The following SUCLG2 variants were observed in gnomAD, a reference collection of about 807,000 sequenced individuals.
SUCLG2 encodes succinate-CoA ligase GDP-forming subunit beta.
SUCLG2 carries 42 observed loss-of-function variants against 47.9 expected under a neutral mutation model. The observed-to-expected ratio is 0.88, with a 90% CI of 0.69 to 1.14. The LOEUF (loss-of-function observed/expected upper bound fraction) is 1.14. Among genes scored for constraint, SUCLG2 ranks in the 50% most tolerant of loss-of-function variants. SUCLG2 has a pLI of 0.00. For missense variants in SUCLG2, 571 were observed against 525.9 expected, an observed-to-expected ratio of 1.09 and a Z score of -0.84; for synonymous variants, 195 against 197.3, an observed-to-expected ratio of 0.99 and a Z score of 0.10.
At chr3:67,402,072 T>C (rs1702696848) in intron 9 of SUCLG2, among the ~76,000 whole-genome samples, 1 of 152,218 alleles carries the variant, frequency 6.6e-6, no homozygotes, top group Admixed American at 6.5e-5. Flanking sequence ...GCCAGCTCCC[T>C]AGATTGTCTA....
At chr3:67,469,267 A>T (rs750354289) in intron 9 of SUCLG2, among the ~76,000 whole-genome samples, 3 of 152,180 alleles carry the variant, frequency 2.0e-5, no homozygotes, top group Non-Finnish European at 2.9e-5. Context: ...GGGATGGAAG[A>T]AAGATTTGTG....
At chr3:67,422,116 TG>T in intron 9 of SUCLG2, among the ~76,000 whole-genome samples, 1 of 152,058 alleles carries the variant, frequency 6.6e-6, no homozygotes, top group East Asian at 1.9e-4. Context: ...CTTCAAAACT[TG>T]AGGTTTTTCT....
intron 9 of SUCLG2, among the ~76,000 whole-genome samples, chr3:67,464,062 G>A (rs891373916): frequency 1.3e-5 from 2 of 152,168 alleles, no homozygotes. Flanking sequence ...TTGTGTTCCC[G>A]AACATTTAAC....
rs538941361 is a variant in SUCLG2, at chr3:67,393,516, A to G, written c.1183+7215T>C. 1.6e-4 allele frequency among the ~76,000 whole-genome samples: 24 copies of G among 152,326 alleles called. 1 individual carries two copies. The highest frequency in any genetic ancestry group is 9.7e-4 in the East Asian group (5 of 5,180). On this transcript the variant is annotated intron_variant, in intron 10 of 10. Coordinates refer to ENST00000307227, the MANE Select transcript of SUCLG2 (RefSeq NM_003848.4). ...GCTTGCTTACGTAAACAAAGCAGCC[A>G]GGAAGCTCGAACTGGGTGGAACCCA...
At position 67,648,588 on chromosome 3, in the gene SUCLG2, T is replaced by C. The variant is rs1419969170; in HGVS notation, c.84+5915A>G. Among the ~76,000 whole-genome samples the C allele has an allele frequency of 7.2e-5, 11 of 152,292 alleles. No homozygotes were observed. The South Asian group carries it at 2.1e-3, about 29-fold the overall frequency. ...GGGCCTCTCTATGCCTCTGACTGCT[T>C]CTATAAAACATGGAGACTGTGAAAT... On this transcript the variant is annotated intron_variant, in intron 1 of 10. Coordinates refer to ENST00000307227, the MANE Select transcript of SUCLG2 (RefSeq NM_003848.4).
chr3:67,430,491 G>C (rs898165965), intron 9 of SUCLG2, among the ~76,000 whole-genome samples: 7 of 152,130 alleles, frequency 4.6e-5, no homozygotes, highest in African/African-American at 1.7e-4. Flanking sequence ...GCCCACAAGA[G>C]AAAGCAGGAA....
intron 10 of SUCLG2, among the ~76,000 whole-genome samples, chr3:67,367,276 T>C (rs954744789): frequency 5.3e-5 from 8 of 152,188 alleles, no homozygotes; most frequent in African/African-American, 1.9e-4. Flanking sequence ...CCATATTTTT[T>C]TGCAGTTTAA....
At position 67,435,115 on chromosome 3, in the gene SUCLG2, T is replaced by C. The variant is rs917863582; in HGVS notation, c.1063-34264A>G. On this transcript the variant is annotated intron_variant, in intron 9 of 10. Transcript: ENST00000307227. ...AAACTACAGTAGGACCTCTCCTCCA[T>C]GGGCTGGTGTAGCTACAGCTGACAA... is the stretch of plus-strand genomic sequence containing the variant. 3.3e-5 allele frequency among the ~76,000 whole-genome samples: 5 copies of C among 152,260 alleles called. No homozygotes were observed. The East Asian group carries it at 7.7e-4, about 24-fold the overall frequency.
chr3:67,416,216 C>T (rs1431809419), intron 9 of SUCLG2, among the ~76,000 whole-genome samples: 1 of 152,176 alleles, frequency 6.6e-6, no homozygotes, highest in African/African-American at 2.4e-5. Context: ...GAATTGTTGG[C>T]TCACTGATAG....
intron 9 of SUCLG2, among the ~76,000 whole-genome samples, chr3:67,419,115 G>A (rs944883885): frequency 2.0e-5 from 3 of 152,158 alleles, no homozygotes; most frequent in Non-Finnish European, 2.9e-5. Flanking sequence ...CTATCACCAA[G>A]CACTCAGTCC....
At chr3:67,600,276 G>A (rs567477706) in intron 2 of SUCLG2, among the ~76,000 whole-genome samples, 12 of 152,274 alleles carry the variant, frequency 7.9e-5, no homozygotes, top group Non-Finnish European at 1.2e-4. Flanking sequence ...TGCTGTTGAT[G>A]TTTTAATAGT....
intron 9 of SUCLG2, among the ~76,000 whole-genome samples, chr3:67,428,096 G>T (rs997021500): frequency 1.6e-4 from 25 of 152,156 alleles, no homozygotes; most frequent in Non-Finnish European, 3.5e-4. Context: ...ATCCCTAGTG[G>T]TTCTCCCAGC....
At chr3:67,514,370 A>G (rs1206645618) in intron 6 of SUCLG2, 2 of 337,358 alleles carry the variant, frequency 5.9e-6, no homozygotes, top group Non-Finnish European at 1.2e-5. Context: ...TAAATCGTCT[A>G]TTAATCAAAC....
At chr3:67,454,099 AG>A (rs1392795469) in intron 9 of SUCLG2, among the ~76,000 whole-genome samples, 1 of 152,220 alleles carries the variant, frequency 6.6e-6, no homozygotes, top group African/African-American at 2.4e-5. Context: ...CTTAGGCCTA[AG>A]TGGATGTAAA....
chr3:67,378,325 G>T (rs1369720141), intron 10 of SUCLG2, among the ~76,000 whole-genome samples: 1 of 152,140 alleles, frequency 6.6e-6, no homozygotes, highest in Non-Finnish European at 1.5e-5. Flanking sequence ...CTGAGACTAG[G>T]TTACAAAAGC....
At chr3:67,571,373 C>A (rs1045888948) in intron 2 of SUCLG2, among the ~76,000 whole-genome samples, 2 of 152,170 alleles carry the variant, frequency 1.3e-5, no homozygotes, top group African/African-American at 4.8e-5. Context: ...GTTTAAGAAA[C>A]CCTGCATTAG....
At chr3:67,412,571 G>A (rs1395305838) in intron 9 of SUCLG2, among the ~76,000 whole-genome samples, 1 of 152,066 alleles carries the variant, frequency 6.6e-6, no homozygotes, top group East Asian at 1.9e-4. Flanking sequence ...CTGGCAGGAG[G>A]AGAGGGAATT....
intron 2 of SUCLG2, among the ~76,000 whole-genome samples, chr3:67,534,039 T>C (rs1480970510): frequency 6.6e-6 from 1 of 152,148 alleles, no homozygotes; most frequent in Admixed American, 6.5e-5. Flanking sequence ...CCATCAGAGA[T>C]TTGAATCGTG....
chr3:67,636,140 C>T (rs1247073222), intron 1 of SUCLG2, among the ~76,000 whole-genome samples: 1 of 151,982 alleles, frequency 6.6e-6, no homozygotes, highest in African/African-American at 2.4e-5. Context: ...AGAGTCTTCA[C>T]CTTAGGAGAG....
Sources: allele counts gnomAD v4.1 joint callset (sites outside exome capture counted in the v4.1 genomes callset), GRCh38; gene constraint gnomAD v4.1.1; transcripts MANE v1.5; gene names NCBI Gene and HGNC (gene_info 2026-07-23, HGNC 2026-07-21).